Variants in BRD1 observed in about 807,000 individuals in gnomAD.
BRD1 encodes bromodomain containing 1.
Under a neutral mutation model 107.7 loss-of-function variants are expected in BRD1, and 24 were observed. The ratio of observed to expected loss-of-function variants is 0.22; its 90% CI spans 0.16 to 0.31. The LOEUF (loss-of-function observed/expected upper bound fraction) is 0.31, where lower values mean the gene tolerates loss of function less well. Among genes scored for constraint, BRD1 ranks in the 10% least tolerant of loss-of-function variants. The probability of loss-of-function intolerance (pLI) is 1.00; values close to 1 mark genes in which losing one functional copy is unlikely to be tolerated. For synonymous variants in BRD1, 744 were observed against 686.1 expected (o/e 1.08, Z -1.32); for missense variants, 1,279 against 1,638.6 (o/e 0.78, Z 3.79).
At chr22:49,817,146 C>A in intron 2 of BRD1, 1 of 152,914 alleles carries the variant, frequency 6.5e-6, no homozygotes. Context: ...CCCTTTTCCC[C>A]TGACCTCACA....
intron 2 of BRD1, among the ~76,000 whole-genome samples, chr22:49,821,752 T>C (rs553347121): frequency 6.6e-6 from 1 of 152,286 alleles, no homozygotes; most frequent in Admixed American, 6.5e-5. Context: ...TCCCCTCACA[T>C]GTGGGGCAGG....
At chr22:49,819,982 C>T (rs377511782) in intron 2 of BRD1, among the ~76,000 whole-genome samples, 68 of 151,680 alleles carry the variant, frequency 4.5e-4, no homozygotes, top group African/African-American at 1.3e-3. Flanking sequence ...ATACAAAAAT[C>T]GGCCGGGTGT....
At chr22:49,820,028 G>C (rs1260856931) in intron 2 of BRD1, among the ~76,000 whole-genome samples, 2 of 151,892 alleles carry the variant, frequency 1.3e-5, no homozygotes, top group African/African-American at 4.8e-5. Flanking sequence ...TACTCAGGAG[G>C]CTGAGGCAGG....
chr22:49,807,195 A>G (rs554317995), intron 2 of BRD1: 3 of 152,266 alleles, frequency 2.0e-5, no homozygotes, highest in Non-Finnish European at 4.4e-5. Context: ...TTAAGATGTC[A>G]ATACCACCGA....
At chr22:49,811,408 G>A (rs760028421) in intron 2 of BRD1, among the ~76,000 whole-genome samples, 1 of 152,194 alleles carries the variant, frequency 6.6e-6, no homozygotes, top group Non-Finnish European at 1.5e-5. Context: ...GTGTGTGAAT[G>A]ACAAGAGTCC....
intron 3 of BRD1, among the ~76,000 whole-genome samples, chr22:49,799,462 G>A (rs903368052): frequency 1.3e-5 from 2 of 152,254 alleles, no homozygotes; most frequent in Non-Finnish European, 1.5e-5. Context: ...CACAAAGGCG[G>A]GGCCAGGACA....
intron 10 of BRD1, 67 bp from the exon 11 acceptor site, chr22:49,776,226 A>C: frequency 7.0e-7 from 1 of 1,419,048 alleles, no homozygotes; most frequent in Non-Finnish European, 9.7e-7. Context: ...GCCCCCCCAC[A>C]AAAGGTGCAG....
chr22:49,812,731 TTTAAA>T (rs1376710973), intron 2 of BRD1, among the ~76,000 whole-genome samples: 6 of 152,312 alleles, frequency 3.9e-5, no homozygotes, highest in Non-Finnish European at 8.8e-5. Context: ...AAGCAGGAAC[TTTAAA>T]GCTACTGCCC....
chr22:49,792,054 C>T lies in BRD1; in HGVS notation c.2359+1980G>A, dbSNP rs1475297332. Among the ~76,000 whole-genome samples the T allele has an allele frequency of 6.6e-6, 1 of 152,170 alleles. No homozygotes were observed. The highest frequency in any genetic ancestry group is 1.5e-5 in the Non-Finnish European group (1 of 68,042). ...TTATGAGGAGCCACGCTCACCACAG[C>T]GGAGGGCCAAGCAGCTCCAACCATG... On this transcript the variant is annotated intron_variant, in intron 7 of 12. Coordinates refer to ENST00000404760, the MANE Select transcript of BRD1 (RefSeq NM_001304808.3). This position sits in a 1 kb window ranked among gnomAD's most constrained non-coding sequence, Gnocchi z 4.2.
At chr22:49,777,602 C>G (rs927466378) in intron 9 of BRD1, 76 bp downstream of exon 9, 1 of 1,544,006 alleles carries the variant, frequency 6.5e-7, no homozygotes, top group South Asian at 1.2e-5. Context: ...TGGAATGTCC[C>G]GGCTTCCAGG....
At chr22:49,779,458 G>T (rs930814856) in intron 8 of BRD1, among the ~76,000 whole-genome samples, 4 of 152,182 alleles carry the variant, frequency 2.6e-5, no homozygotes, top group Non-Finnish European at 5.9e-5. Context: ...GTCAGACACC[G>T]GCTCCGTCTC....
At chr22:49,784,331 C>T (rs535512089) in intron 8 of BRD1, among the ~76,000 whole-genome samples, 18 of 150,586 alleles carry the variant, frequency 1.2e-4, no homozygotes, top group African/African-American at 4.1e-4. Flanking sequence ...CGCTCTCACA[C>T]GCCCCAGCAC....
At position 49,823,099 on chromosome 22, in the gene BRD1, T is replaced by G; in HGVS notation, c.1219A>C (p.Lys407Gln). The G allele has an allele frequency of 6.2e-7, 1 of 1,614,232 alleles. No homozygotes were observed. Among genetic ancestry groups the G allele is most frequent in the Non-Finnish European group, 8.5e-7 (1 of 1,180,040 alleles). ...PLNIYGDVEM[K>Q]NGVCRKESSV... ...CTCTCTTTTCGACAGACGCCATTTT[T>G]CATTTCGACATCCCCGTAAATATTC... Residue 407 changes from lysine to glutamine, a missense_variant, in exon 2 of 13, where the codon AAA (lysine) becomes CAA (glutamine). Lys to Gln is a moderately conservative substitution (Grantham distance 53). This residue lies in a region of BRD1 where 158 missense variants were observed against 310.2 expected (regional missense o/e 0.51). Transcript: ENST00000404760.
chr22:49,808,818 T>C (rs1014946816), intron 2 of BRD1, among the ~76,000 whole-genome samples: 1 of 152,096 alleles, frequency 6.6e-6, no homozygotes, highest in African/African-American at 2.4e-5. Flanking sequence ...TCTGAGTCAA[T>C]ACATCAGAAG....
rs1211714638 is a variant in BRD1, at chr22:49,794,270, T to C, written c.2123A>G (p.Asn708Ser). Reference protein sequence around the residue: ...EDVDRLLDPANRAHLGLEEQL... With the variant: ...EDVDRLLDPASRAHLGLEEQL... ...CTCCTCCAGGCCCAGGTGGGCTCTGTTGGCGGGGTCCAGCAACCTGTCCAC... is the reference window on the plus strand; with the variant it reads ...CTCCTCCAGGCCCAGGTGGGCTCTGCTGGCGGGGTCCAGCAACCTGTCCAC... Residue 708 changes from asparagine (N) to serine (S), a missense_variant, in exon 7 of 13, where the codon AAC (asparagine) becomes AGC (serine). Transcript: ENST00000404760. 8 of 1,612,300 alleles carry C rather than the reference T, an allele frequency of 5.0e-6. No homozygotes were observed. Among genetic ancestry groups the C allele is most frequent in the South Asian group, 3.3e-5 (3 of 91,016 alleles).
At chr22:49,812,835 C>T (rs1169940591) in intron 2 of BRD1, among the ~76,000 whole-genome samples, 2 of 152,150 alleles carry the variant, frequency 1.3e-5, no homozygotes, top group Non-Finnish European at 1.5e-5. Context: ...CCAAGGACCT[C>T]ACACGCCAGG....
At position 49,774,340 on chromosome 22, in the gene BRD1, T is replaced by G; in HGVS notation, c.3463A>C (p.Arg1155=). 6 of 1,614,186 alleles carry G rather than the reference T, an allele frequency of 3.7e-6. No individual in the cohort carries two copies. Among genetic ancestry groups the G allele is most frequent in the Non-Finnish European group, 5.1e-6 (6 of 1,180,008 alleles). The change falls in exon 13 of 13, where the codon AGG becomes CGG. Residue 1155 remains arginine, a synonymous_variant. Coordinates refer to ENST00000404760, the MANE Select transcript of BRD1 (RefSeq NM_001304808.3). ...ACGGCCTTCCGGATGCTGGAATTCC[T>G]CCCTTCCATCATCTTTAACTTGTCT... ...TIDKLKMMEG[R]NSSIRKAVRI...
intron 6 of BRD1, among the ~76,000 whole-genome samples, chr22:49,796,870 G>A (rs1372081242): frequency 6.6e-6 from 1 of 152,242 alleles, no homozygotes; most frequent in Admixed American, 6.5e-5. Context: ...CGGGAACGTG[G>A]AAGAGAGGAA....
In BRD1 at chr22:49,788,708, C is replaced by T. The variant is rs535590594; in HGVS notation, c.2360-821G>A. On this transcript the variant is annotated intron_variant, in intron 7 of 12. Coordinates refer to ENST00000404760, the MANE Select transcript of BRD1 (RefSeq NM_001304808.3). ...AGGCTCTGGCACGAGGCTAACAGGG[C>T]GAGGCGACGCCACAACAAGCCAAGC... Among the ~76,000 whole-genome samples, 6 of 152,212 alleles carry T rather than the reference C, an allele frequency of 3.9e-5. 1 individual carries two copies. The East Asian group carries it at 5.8e-4, about 15-fold the overall frequency.
Sources: gnomAD v4.1 joint callset for allele counts (sites outside exome capture counted in the v4.1 genomes callset) on GRCh38, gnomAD v4.1.1 for gene constraint, gnomAD v4.1.1 regional missense constraint, Gnocchi (gnomAD v3.1) non-coding constraint, MANE v1.5 for transcripts, NCBI Gene and HGNC (gene_info 2026-07-23, HGNC 2026-07-21) for gene names.